Variants in WDR7 observed in about 807,000 individuals in gnomAD.
WDR7 encodes the protein WD repeat-containing protein 7.
Under a neutral mutation model 169.4 loss-of-function variants are expected in WDR7, and 46 were observed. The observed-to-expected ratio is 0.27, with a 90% CI of 0.21 to 0.35. WDR7 has a LOEUF of 0.35. Ranked by LOEUF, WDR7 falls within the 10% of genes least tolerant of loss-of-function variation. The probability of loss-of-function intolerance (pLI) is 1.00; values close to 1 mark genes in which losing one functional copy is unlikely to be tolerated. For synonymous variants in WDR7, 612 were observed against 666.8 expected, an observed-to-expected ratio of 0.92 and a Z score of 1.27; for missense variants, 1,534 against 1,859.3, an observed-to-expected ratio of 0.83 and a Z score of 3.22.
At chr18:56,702,217 T>C (rs559269208) in intron 12 of WDR7, among the ~76,000 whole-genome samples, 1 of 152,276 alleles carries the variant, frequency 6.6e-6, no homozygotes, top group South Asian at 2.1e-4. Flanking sequence ...TCTGACATCG[T>C]CCCTTCCACC....
chr18:56,740,300 T>G lies in WDR7; in HGVS notation c.1989+8703T>G, dbSNP rs180912064. The stretch of plus-strand genomic sequence containing the variant: ...TGCTGAAATTCTTTATCTTTTTATC[T>G]TCTTTTCCATCATTTTCTATATTTT... On this transcript the variant is annotated intron_variant, in intron 14 of 27. Coordinates refer to ENST00000254442, the MANE Select transcript of WDR7 (RefSeq NM_015285.3). 7.2e-5 allele frequency among the ~76,000 whole-genome samples: 11 copies of G among 152,304 alleles called. 1 individual carries two copies. The East Asian group carries it at 1.9e-3, about 27-fold the overall frequency.
intron 21 of WDR7, among the ~76,000 whole-genome samples, chr18:56,913,712 G>A (rs866663843): frequency 5.9e-5 from 9 of 152,012 alleles, no homozygotes; most frequent in East Asian, 1.9e-4. Context: ...GGAGGATCGC[G>A]TGAGCCCAGT....
intron 13 of WDR7, among the ~76,000 whole-genome samples, chr18:56,720,381 C>T (rs898042929): frequency 5.3e-5 from 8 of 151,906 alleles, no homozygotes; most frequent in South Asian, 2.1e-4. Context: ...ACCAGGAGGT[C>T]GAGGCTACAG....
intron 14 of WDR7, among the ~76,000 whole-genome samples, chr18:56,748,619 A>C (rs1045033570): frequency 6.6e-6 from 1 of 152,124 alleles, no homozygotes; most frequent in Non-Finnish European, 1.5e-5. Context: ...ACCTCAGTCA[A>C]ATGTCTCTAG....
chr18:57,020,144 T>G (rs1490658277), intron 26 of WDR7, among the ~76,000 whole-genome samples: 1 of 152,224 alleles, frequency 6.6e-6, no homozygotes, highest in Non-Finnish European at 1.5e-5. Flanking sequence ...GTTAACTTGT[T>G]TTTAATGGTA....
intron 21 of WDR7, among the ~76,000 whole-genome samples, chr18:56,896,343 GA>G (rs1324966668): frequency 7.9e-5 from 12 of 151,742 alleles, no homozygotes; most frequent in African/African-American, 2.9e-4. Flanking sequence ...TGCTGATTCT[GA>G]AATTTATATG....
chr18:56,667,311 C>A (rs557084463), intron 1 of WDR7, among the ~76,000 whole-genome samples: 2 of 152,236 alleles, frequency 1.3e-5, no homozygotes, highest in South Asian at 2.1e-4. Flanking sequence ...CTAACTTTAG[C>A]TAAGCTTCTT....
At chr18:56,741,319 ATCT>A (rs1236907299) in intron 14 of WDR7, among the ~76,000 whole-genome samples, 2 of 152,162 alleles carry the variant, frequency 1.3e-5, no homozygotes, top group Non-Finnish European at 2.9e-5. Flanking sequence ...TTATCGAATC[ATCT>A]TCTCTTGAAA....
At chr18:56,767,056 T>C (rs540985051) in intron 16 of WDR7, among the ~76,000 whole-genome samples, 1 of 152,296 alleles carries the variant, frequency 6.6e-6, no homozygotes, top group South Asian at 2.1e-4. Context: ...GTTTCTTTTT[T>C]TTCCTGGTCT....
chr18:56,714,057 A>G (rs28491352), intron 12 of WDR7, among the ~76,000 whole-genome samples: 50 of 152,166 alleles, frequency 3.3e-4, no homozygotes, highest in African/African-American at 1.2e-3. Context: ...TGTTTATACC[A>G]TTAATTTGTT....
intron 20 of WDR7, among the ~76,000 whole-genome samples, chr18:56,871,159 T>C (rs1296010316): frequency 1.3e-5 from 2 of 152,196 alleles, no homozygotes; most frequent in Non-Finnish European, 2.9e-5. Context: ...ATGCAGACAT[T>C]GTACATAGTA....
intron 13 of WDR7, among the ~76,000 whole-genome samples, chr18:56,723,186 G>A (rs1480947937): frequency 1.3e-5 from 2 of 151,038 alleles, no homozygotes; most frequent in African/African-American, 2.4e-5. Flanking sequence ...CACTCACTTG[G>A]AACATTGCTT....
At position 56,806,877 on chromosome 18, in the gene WDR7, C is replaced by T. The variant is rs557320915; in HGVS notation, c.3191-9154C>T. ...TTGCACAGTTATTATACCTATTGCACGGTTATGTTTACCATTTTAATGGCT... is the reference window on the plus strand; with the variant it reads ...TTGCACAGTTATTATACCTATTGCATGGTTATGTTTACCATTTTAATGGCT... On this transcript the variant is annotated intron_variant, in intron 19 of 27. Coordinates refer to ENST00000254442, the MANE Select transcript of WDR7 (RefSeq NM_015285.3). Among the ~76,000 whole-genome samples the T allele has an allele frequency of 4.6e-5, 7 of 152,146 alleles. No homozygotes were observed. In the South Asian group the frequency reaches 8.3e-4, roughly 18 times the overall value.
At chr18:56,779,876 A>T (rs1447635945) in intron 18 of WDR7, among the ~76,000 whole-genome samples, 2 of 152,200 alleles carry the variant, frequency 1.3e-5, no homozygotes, top group African/African-American at 4.8e-5. Context: ...TGCTTCCCCC[A>T]GAATTACACA....
At chr18:56,853,241 T>G (rs1281851248) in intron 20 of WDR7, among the ~76,000 whole-genome samples, 1 of 152,196 alleles carries the variant, frequency 6.6e-6, no homozygotes, top group Non-Finnish European at 1.5e-5. Context: ...TCCTCTTTTC[T>G]ATGCATTTTG....
chr18:56,657,167 T>G (rs527291065), intron 1 of WDR7, among the ~76,000 whole-genome samples: 2 of 151,972 alleles, frequency 1.3e-5, no homozygotes, highest in Admixed American at 1.3e-4. Flanking sequence ...GGGACTTTTT[T>G]TTTTTTTTTA....
In WDR7 at chr18:57,029,411, C is replaced by A. The variant is rs2048416166; in HGVS notation, c.*2204C>A. The stretch of plus-strand genomic sequence containing the variant: ...TAACTACTAAACTAATATCTGCATT[C>A]TTGTTAACATAAATCTCTCCTTGGC... On this transcript the variant is annotated 3_prime_UTR_variant, in exon 28 of 28. Transcript: ENST00000254442. 6.6e-6 allele frequency: 1 copy of A among 152,190 alleles called. No individual in the cohort carries two copies. Among genetic ancestry groups the A allele is most frequent in the South Asian group, 2.1e-4 (1 of 4,828 alleles). The allele number at this position is 152,190 out of a possible 1,614,324, so 9.4% of individuals were successfully genotyped here. A position where few individuals can be genotyped will look rare whatever the true frequency, so the allele number is the denominator to read the frequency against.
In WDR7 at chr18:56,819,307, C is replaced by T. The variant is rs73436711; in HGVS notation, c.3304+3163C>T. ...AACTGGAAGAGAACAGCTGGAAAGA[C>T]TAGGAGGAAAAAAATTGGGTCTTGA... On this transcript the variant is annotated intron_variant, in intron 20 of 27. Coordinates refer to ENST00000254442, the MANE Select transcript of WDR7 (RefSeq NM_015285.3). Among the ~76,000 whole-genome samples, 411 of 152,224 alleles carry T rather than the reference C, an allele frequency of 2.7e-3. 2 individuals carry two copies. The highest frequency in any genetic ancestry group is 9.5e-3 in the African/African-American group (395 of 41,550).
chr18:56,777,771 T>C (rs972446539), intron 17 of WDR7, among the ~76,000 whole-genome samples: 5 of 152,196 alleles, frequency 3.3e-5, no homozygotes, highest in Admixed American at 3.3e-4. Flanking sequence ...ACAGAGCCCA[T>C]GTTGCAAGCA....
Sources: allele counts gnomAD v4.1 joint callset (sites outside exome capture counted in the v4.1 genomes callset), GRCh38; gene constraint gnomAD v4.1.1; transcripts MANE v1.5; gene names NCBI Gene and HGNC (gene_info 2026-07-23, HGNC 2026-07-21).